Variants in PXYLP1 observed in about 807,000 individuals in gnomAD.
The protein encoded by PXYLP1 is acid phosphatase-like 2.
A neutral mutation model predicts 37.9 loss-of-function variants in PXYLP1; 17 were observed. The ratio of observed to expected loss-of-function variants is 0.45; its 90% CI spans 0.31 to 0.67. PXYLP1 has a LOEUF of 0.67. Among genes scored for constraint, PXYLP1 ranks in the 30% least tolerant of loss-of-function variants. The probability of loss-of-function intolerance (pLI) is 0.07; values close to 1 mark genes in which losing one functional copy is unlikely to be tolerated. For synonymous variants in PXYLP1, 221 were observed against 232.2 expected, an observed-to-expected ratio of 0.95 and a Z score of 0.44; for missense variants, 511 against 612.0, an observed-to-expected ratio of 0.84 and a Z score of 1.74.
intron 4 of PXYLP1, among the ~76,000 whole-genome samples, 195 bp downstream of exon 4, chr3:141,279,699 C>T (rs2148816996): frequency 6.6e-6 from 1 of 152,326 alleles, no homozygotes; most frequent in African/African-American, 2.4e-5. Context: ...TGAAGCAACA[C>T]AGCAGATATA....
chr3:141,288,065 A>G (rs1942117899), intron 5 of PXYLP1, among the ~76,000 whole-genome samples: 1 of 152,238 alleles, frequency 6.6e-6, no homozygotes, highest in African/African-American at 2.4e-5. Flanking sequence ...CTGAGTTCTC[A>G]CAGAAGCACA....
chr3:141,278,410 G>A lies in PXYLP1; in HGVS notation c.148G>A (p.Asp50Asn), dbSNP rs201722129. The change falls in exon 3 of 6, where the codon GAC becomes AAC. Residue 50 changes from aspartate to asparagine, a missense_variant. Transcript: ENST00000286353. The stretch of plus-strand genomic sequence containing the variant: ...CAAGAGTCGAAAGAGAATCATGCCC[G>A]ACCCTGTGACGGAGCCCCCTGTGAC... Reference protein sequence around the residue: ...SSKSRKRIMPDPVTEPPVTDP... With the variant: ...SSKSRKRIMPNPVTEPPVTDP... The A allele has an allele frequency of 8.3e-5, 134 of 1,614,070 alleles. No individual in the cohort carries two copies. In the East Asian group the frequency reaches 8.5e-4, roughly 10 times the overall value.
Position 141,279,392 on chromosome 3 carries a change from C to T in PXYLP1, c.253C>T (p.His85Tyr), listed in dbSNP as rs201688568. The T allele has an allele frequency of 3.1e-6, 5 of 1,613,864 alleles. No individual in the cohort carries two copies. Among genetic ancestry groups the T allele is most frequent in the Non-Finnish European group, 4.2e-6 (5 of 1,179,898 alleles). Reference sequence around the variant, plus strand: ...CTCTCGCGCAGGTCATGCCCCGCATCATTTTAAGCTGGTCTCAGTGCATGT... The same window carrying T: ...CTCTCGCGCAGGTCATGCCCCGCATTATTTTAAGCTGGTCTCAGTGCATGT... Reference protein sequence around the residue: ...ERSMEGHAPHHFKLVSVHVFI... With the variant: ...ERSMEGHAPHYFKLVSVHVFI... Residue 85 changes from histidine to tyrosine, a missense_variant, in exon 4 of 6, where the codon CAT becomes TAT. Transcript: ENST00000286353.
At position 141,253,805 on chromosome 3, in the gene PXYLP1, C is replaced by G. The variant is rs1333759435; in HGVS notation, c.-53-6318C>G. 2.0e-5 allele frequency among the ~76,000 whole-genome samples: 3 copies of G among 150,258 alleles called. No individual in the cohort carries two copies. In the Admixed American group the frequency reaches 2.0e-4, roughly 10 times the overall value. ...CAACTATTGTCACCATTTTGCCAAT[C>G]TTATTTCATCTATTCCCCTCAACCT... is the stretch of plus-strand genomic sequence containing the variant. On this transcript the variant is annotated intron_variant, in intron 1 of 5. Transcript: ENST00000286353.
At chr3:141,279,807 C>CCT (rs1941904478) in intron 4 of PXYLP1, among the ~76,000 whole-genome samples, 1 of 152,168 alleles carries the variant, frequency 6.6e-6, no homozygotes, top group African/African-American at 2.4e-5. Context: ...AGTTAAGAGT[C>CCT]CTCCGCCCCA....
intron 1 of PXYLP1, among the ~76,000 whole-genome samples, chr3:141,251,941 C>T (rs542654516): frequency 6.6e-6 from 1 of 152,200 alleles, no homozygotes; most frequent in East Asian, 1.9e-4. Flanking sequence ...TTACTGAGAG[C>T]GTATCAGAGG....
At chr3:141,250,762 G>T (rs990435296) in intron 1 of PXYLP1, among the ~76,000 whole-genome samples, 2 of 152,202 alleles carry the variant, frequency 1.3e-5, no homozygotes, top group Non-Finnish European at 2.9e-5. Flanking sequence ...AAAGCTCTTG[G>T]CTTCCCATTG....
chr3:141,247,258 G>A (rs535766018), intron 1 of PXYLP1, among the ~76,000 whole-genome samples: 1 of 152,364 alleles, frequency 6.6e-6, no homozygotes, highest in African/African-American at 2.4e-5. Context: ...AGGTGGGGCC[G>A]TGGAGGCCAT....
intron 4 of PXYLP1, among the ~76,000 whole-genome samples, chr3:141,282,973 A>AT (rs55784202): frequency 0.14 from 21,053 of 147,112 alleles, 1,952 homozygotes; most frequent in African/African-American, 0.27. Flanking sequence ...AGGCTGTATA[A>AT]TTTTTTTTTT....
At chr3:141,288,385 A>G (rs575261734) in intron 5 of PXYLP1, among the ~76,000 whole-genome samples, 1 of 152,144 alleles carries the variant, frequency 6.6e-6, no homozygotes, top group Non-Finnish European at 1.5e-5. Flanking sequence ...TGCCATTATT[A>G]TTGGGGAAAT....
chr3:141,261,003 C>G (rs936582524), intron 2 of PXYLP1, among the ~76,000 whole-genome samples: 2 of 152,176 alleles, frequency 1.3e-5, no homozygotes, highest in African/African-American at 4.8e-5. Context: ...TCCTCCTCAC[C>G]CCCTCTCATT....
chr3:141,266,921 A>G (rs899876300), intron 2 of PXYLP1, among the ~76,000 whole-genome samples: 1 of 152,150 alleles, frequency 6.6e-6, no homozygotes, highest in African/African-American at 2.4e-5. Context: ...GCCTCTGAGT[A>G]GGCAAGCAAG....
At chr3:141,252,984 A>C (rs1941177332) in intron 1 of PXYLP1, among the ~76,000 whole-genome samples, 1 of 152,166 alleles carries the variant, frequency 6.6e-6, no homozygotes, top group Non-Finnish European at 1.5e-5. Flanking sequence ...GTATTCCCCA[A>C]GGAGGCCAGG....
At chr3:141,273,024 C>A (rs965435669) in intron 2 of PXYLP1, 4 of 985,384 alleles carry the variant, frequency 4.1e-6, no homozygotes, top group Admixed American at 6.1e-5. Flanking sequence ...GTCTTCACTG[C>A]ATCGTTTCCA....
chr3:141,234,399 C>A (rs1031112477), intron 1 of PXYLP1: 1 of 152,136 alleles, frequency 6.6e-6, no homozygotes, highest in African/African-American at 2.4e-5. Context: ...CCTATAGTGC[C>A]CAGAGCTGTA....
intron 1 of PXYLP1, among the ~76,000 whole-genome samples, chr3:141,248,031 T>TTG (rs574334733): frequency 6.7e-5 from 10 of 149,140 alleles, no homozygotes; most frequent in Admixed American, 1.3e-4. Flanking sequence ...TTGTTTTTTT[T>TTG]TTTTTTTTTG....
intron 1 of PXYLP1, among the ~76,000 whole-genome samples, chr3:141,238,345 G>C (rs1293344612): frequency 6.6e-6 from 1 of 152,206 alleles, no homozygotes. Context: ...ATGGCAGCCT[G>C]CCCGACTAGC....
At chr3:141,285,208 A>G (rs1942047512) in intron 4 of PXYLP1, among the ~76,000 whole-genome samples, 1 of 129,520 alleles carries the variant, frequency 7.7e-6, no homozygotes, top group Non-Finnish European at 1.5e-5. Context: ...GTACAGTAGT[A>G]CAATCACAGC....
At position 141,292,815 on chromosome 3, in the gene PXYLP1, C is replaced by A; in HGVS notation, c.1053C>A (p.Pro351=). The A allele has an allele frequency of 6.2e-7, 1 of 1,613,732 alleles. No individual in the cohort carries two copies. Among genetic ancestry groups the A allele is most frequent in the Non-Finnish European group, 8.5e-7 (1 of 1,179,828 alleles). Residue 351 remains proline, a synonymous_variant, in exon 6 of 6, where the codon CCC becomes CCA. Coordinates refer to ENST00000286353, the MANE Select transcript of PXYLP1 (RefSeq NM_001037172.3). The surrounding 1 kb of genome is among the most constrained non-coding windows in gnomAD (Gnocchi z 4.3). Reference sequence around the variant, plus strand: ...GGTATTCTCTCCTGGGTGCCCACCCCATCCTGAACCAAACCATCGGCCGGA... The same window carrying A: ...GGTATTCTCTCCTGGGTGCCCACCCAATCCTGAACCAAACCATCGGCCGGA... The part of the protein sequence containing the change: ...YFGYSLLGAH[P]ILNQTIGRMQ...
Sources: gnomAD v4.1 joint callset for allele counts (sites outside exome capture counted in the v4.1 genomes callset) on GRCh38, gnomAD v4.1.1 for gene constraint, Gnocchi (gnomAD v3.1) non-coding constraint, MANE v1.5 for transcripts, NCBI Gene and HGNC (gene_info 2026-07-23, HGNC 2026-07-21) for gene names.